Variants in RAB20 observed in about 807,000 individuals in gnomAD.
RAB20 encodes RAB20, member RAS oncogene family.
A neutral mutation model predicts 3.7 loss-of-function variants in RAB20; 2 were observed. The ratio of observed to expected loss-of-function variants is 0.54; its 90% CI spans 0.22 to 1.69. The LOEUF is 1.69. RAB20 is among the 40% of genes most tolerant of loss of function. The pLI is 0.19. For missense variants in RAB20, 276 were observed against 311.9 expected (o/e 0.88, Z 0.87); for synonymous variants, 126 against 130.8 (o/e 0.96, Z 0.25).
intron 1 of RAB20, among the ~76,000 whole-genome samples, chr13:110,556,192 G>A (rs1323277720): frequency 6.6e-6 from 1 of 152,194 alleles, no homozygotes; most frequent in Admixed American, 6.5e-5. Flanking sequence ...ACATGGGTGA[G>A]GGACGCTGAG....
At chr13:110,558,529 G>A (rs1316057762) in intron 1 of RAB20, among the ~76,000 whole-genome samples, 1 of 150,942 alleles carries the variant, frequency 6.6e-6, no homozygotes, top group African/African-American at 2.4e-5. Flanking sequence ...GATTACAGGC[G>A]CCAGCCACCA....
chr13:110,536,066 G>A (rs555936445), intron 1 of RAB20, among the ~76,000 whole-genome samples: 99 of 152,300 alleles, frequency 6.5e-4, no homozygotes, highest in African/African-American at 2.3e-3. Context: ...TATTAGAGAA[G>A]ACACCCGGAG....
chr13:110,527,451 G>A (rs750454992), intron 1 of RAB20, among the ~76,000 whole-genome samples: 2 of 152,188 alleles, frequency 1.3e-5, no homozygotes, highest in Non-Finnish European at 2.9e-5. Flanking sequence ...ACCAGCTCCG[G>A]TAGGAGTCAG....
At chr13:110,550,776 A>C (rs772514835) in intron 1 of RAB20, among the ~76,000 whole-genome samples, 3 of 152,182 alleles carry the variant, frequency 2.0e-5, no homozygotes, top group Non-Finnish European at 2.9e-5. Context: ...CTGTAATTAG[A>C]GGGAAGAGTA....
intron 1 of RAB20, among the ~76,000 whole-genome samples, chr13:110,549,561 G>A (rs1884914365): frequency 1.3e-5 from 2 of 152,162 alleles, no homozygotes; most frequent in South Asian, 2.1e-4. Flanking sequence ...GGCCCAGGCC[G>A]GACTCTAATC....
chr13:110,552,069 CCT>C (rs1313524091), intron 1 of RAB20, among the ~76,000 whole-genome samples: 1 of 151,820 alleles, frequency 6.6e-6, no homozygotes, highest in Non-Finnish European at 1.5e-5. Flanking sequence ...AGAAGACGAC[CCT>C]GTCTCAAAAA....
At position 110,523,777 on chromosome 13, in the gene RAB20, A is replaced by G. The variant is rs1284013493; in HGVS notation, c.593T>C (p.Phe198Ser). 1 of 1,614,222 alleles carries G rather than the reference A, an allele frequency of 6.2e-7. No individual in the cohort carries two copies. Among genetic ancestry groups the G allele is most frequent in the Admixed American group, 1.7e-5 (1 of 60,026 alleles). Reference protein sequence around the residue: ...YNVDLLFETLFDLVVPMILQQ... With the variant: ...YNVDLLFETLSDLVVPMILQQ... The stretch of plus-strand genomic sequence containing the variant: ...TAAGATCATTGGCACCACCAGGTCA[A>G]AGAGGGTCTCAAACAGGAGGTCCAC... Residue 198 changes from phenylalanine (F) to serine (S), a missense_variant, in exon 2 of 2, where the codon TTT becomes TCT. Transcript: ENST00000267328.
chr13:110,526,315 T>C (rs1449593366), intron 1 of RAB20, among the ~76,000 whole-genome samples: 2 of 152,176 alleles, frequency 1.3e-5, no homozygotes, highest in African/African-American at 4.8e-5. Flanking sequence ...CAGGCCCCAT[T>C]CCAATCCCTC....
At chr13:110,529,443 T>C (rs1884491994) in intron 1 of RAB20, among the ~76,000 whole-genome samples, 1 of 151,940 alleles carries the variant, frequency 6.6e-6, no homozygotes, top group African/African-American at 2.4e-5. Flanking sequence ...CAGACCGGAG[T>C]CCGTCAGTAC....
At position 110,546,719 on chromosome 13, in the gene RAB20, GTTTTTTGT is replaced by G. The variant is rs775455899; in HGVS notation, c.172+14621_172+14628del. ...ACTTCTGTTTTTTTTTGTTTTTTGG[GTTTTTTGT>G]TTGTTTGTTTGTTTGTTTGTTTGTT... On this transcript the variant is annotated intron_variant, in intron 1 of 1. Coordinates refer to ENST00000267328, the MANE Select transcript of RAB20 (RefSeq NM_017817.3). Among the ~76,000 whole-genome samples the G allele has an allele frequency of 9.9e-4, 122 of 122,860 alleles. 1 individual carries two copies. The highest frequency in any genetic ancestry group is 4.5e-3 in the Middle Eastern group (1 of 224). 80.6% of individuals were successfully genotyped at this position (122,860 alleles called of 152,430 possible).
intron 1 of RAB20, among the ~76,000 whole-genome samples, chr13:110,554,725 G>C (rs1319851900): frequency 1.3e-5 from 2 of 152,198 alleles, no homozygotes; most frequent in Non-Finnish European, 2.9e-5. Flanking sequence ...TGGGGCTTAG[G>C]AAAGAGCCTG....
chr13:110,540,287 A>G (rs951048790), intron 1 of RAB20, among the ~76,000 whole-genome samples: 1 of 152,268 alleles, frequency 6.6e-6, no homozygotes, highest in Admixed American at 6.5e-5. Flanking sequence ...GTCCTGTAAT[A>G]ACGAATGTTT....
chr13:110,532,356 C>CA (rs1884556059), intron 1 of RAB20, among the ~76,000 whole-genome samples: 3 of 152,166 alleles, frequency 2.0e-5, no homozygotes, highest in Non-Finnish European at 4.4e-5. Flanking sequence ...AACACTGAGA[C>CA]AACAGGAACT....
chr13:110,560,085 G>A (rs907589974), intron 1 of RAB20, among the ~76,000 whole-genome samples: 1 of 152,166 alleles, frequency 6.6e-6, no homozygotes, highest in Admixed American at 6.5e-5. Context: ...AATTGGGTTC[G>A]TGAATTGGGT....
At chr13:110,539,389 C>T (rs1251411036) in intron 1 of RAB20, among the ~76,000 whole-genome samples, 4 of 152,044 alleles carry the variant, frequency 2.6e-5, no homozygotes, top group South Asian at 2.1e-4. Context: ...AACCCCTGCC[C>T]GCGAAATGAA....
intron 1 of RAB20, among the ~76,000 whole-genome samples, chr13:110,545,007 C>G (rs1314512417): frequency 6.6e-6 from 1 of 152,174 alleles, no homozygotes; most frequent in Non-Finnish European, 1.5e-5. Context: ...TTTGCCTCTT[C>G]CTCATTTTCT....
chr13:110,535,451 A>G (rs544078035), intron 1 of RAB20, among the ~76,000 whole-genome samples: 1 of 152,372 alleles, frequency 6.6e-6, no homozygotes, highest in South Asian at 2.1e-4. Context: ...TAATTCATAC[A>G]ACCACTTCGT....
intron 1 of RAB20, 58 bp from the exon 2 acceptor site, chr13:110,524,255 C>A: frequency 6.6e-7 from 1 of 1,515,436 alleles, no homozygotes; most frequent in Non-Finnish European, 8.8e-7. Context: ...ACATAGCCAC[C>A]AGCCACACTG....
rs1354451619 is a variant in RAB20, at chr13:110,561,639, G to A, written c.-120C>T. The A allele has an allele frequency of 2.1e-6, 3 of 1,428,318 alleles. No homozygotes were observed. Among genetic ancestry groups the A allele is most frequent in the Non-Finnish European group, 1.8e-6 (2 of 1,089,036 alleles). 88.5% of individuals were successfully genotyped at this position (1,428,318 alleles called of 1,614,324 possible). On this transcript the variant is annotated 5_prime_UTR_variant, in exon 1 of 2. Coordinates refer to ENST00000267328, the MANE Select transcript of RAB20 (RefSeq NM_017817.3). ...CGCCGGGACCCGGATTCTCGTGAACGCTCCGGGACCTTCGCCTCCGGACGC... is the reference window on the plus strand; with the variant it reads ...CGCCGGGACCCGGATTCTCGTGAACACTCCGGGACCTTCGCCTCCGGACGC...
Sources: allele counts gnomAD v4.1 joint callset (sites outside exome capture counted in the v4.1 genomes callset), GRCh38; gene constraint gnomAD v4.1.1; transcripts MANE v1.5; gene names NCBI Gene and HGNC (gene_info 2026-07-23, HGNC 2026-07-21).